DLGAP1: variants seen among roughly 807,000 people sequenced by gnomAD.
DLGAP1 encodes DLG associated protein 1.
Under a neutral mutation model 90.8 loss-of-function variants are expected in DLGAP1, and 11 were observed. The ratio of observed to expected loss-of-function variants is 0.12; its 90% CI spans 0.08 to 0.20. The LOEUF (loss-of-function observed/expected upper bound fraction) is 0.20, where lower values mean the gene tolerates loss of function less well. Ranked by LOEUF, DLGAP1 falls within the 10% of genes least tolerant of loss-of-function variation. The pLI, the probability that DLGAP1 is intolerant of heterozygous loss-of-function variation, is 1.00. For synonymous variants in DLGAP1, 558 were observed against 540.7 expected (o/e 1.03, Z -0.44); for missense variants, 1,050 against 1,333.8 (o/e 0.79, Z 3.31).
chr18:4,187,519 T>C (rs2077318867), intron 1 of DLGAP1, among the ~76,000 whole-genome samples: 1 of 152,178 alleles, frequency 6.6e-6, no homozygotes, highest in African/African-American at 2.4e-5. Flanking sequence ...CCTTTTCAAT[T>C]CTTAGTACAT....
rs756173382 is a variant in DLGAP1 at position 3,880,006 on chromosome 18, G to A, written c.63C>T (p.Asp21=). The A allele has an allele frequency of 6.2e-7, 1 of 1,610,004 alleles. No individual in the cohort carries two copies. Among genetic ancestry groups the A allele is most frequent in the East Asian group, 2.2e-5 (1 of 44,870 alleles). ...HHGVTCDSAC[D]SLSHHSDRKP... ...TGCGGTCGGAGTGGTGCGACAGCGA[G>A]TCACAGGCCGAGTCGCAGGTGACCC... Residue 21 remains aspartate, a synonymous_variant, in exon 4 of 13, where the codon GAC becomes GAT. Coordinates refer to ENST00000315677, the MANE Select transcript of DLGAP1 (RefSeq NM_004746.4).
At chr18:4,002,547 A>C (rs2074215190) in intron 3 of DLGAP1, among the ~76,000 whole-genome samples, 1 of 152,150 alleles carries the variant, frequency 6.6e-6, no homozygotes, top group African/African-American at 2.4e-5. Flanking sequence ...TTTCTTAATA[A>C]CACTTTTTTT....
intron 1 of DLGAP1, among the ~76,000 whole-genome samples, chr18:4,443,402 A>G (rs1262839204): frequency 6.6e-6 from 1 of 152,224 alleles, no homozygotes; most frequent in Non-Finnish European, 1.5e-5. Flanking sequence ...CCATTGGCAG[A>G]GCCAGGGAGT....
At chr18:3,625,649 A>T (rs1474363569) in intron 7 of DLGAP1, among the ~76,000 whole-genome samples, 1 of 152,184 alleles carries the variant, frequency 6.6e-6, no homozygotes, top group Non-Finnish European at 1.5e-5. Flanking sequence ...GACCTTCATG[A>T]TTGCAATCTA....
At chr18:3,665,574 TA>T (rs1280896545) in intron 7 of DLGAP1, among the ~76,000 whole-genome samples, 1 of 152,238 alleles carries the variant, frequency 6.6e-6, no homozygotes, top group Non-Finnish European at 1.5e-5. Context: ...TTCATAAATT[TA>T]AAAAATATTT....
intron 7 of DLGAP1, among the ~76,000 whole-genome samples, chr18:3,595,239 C>T (rs1322123508): frequency 1.3e-5 from 2 of 152,166 alleles, no homozygotes; most frequent in Non-Finnish European, 2.9e-5. Flanking sequence ...GAAAGGGGTT[C>T]AGATCAAAGT....
At chr18:4,291,022 G>A (rs1278037528) in intron 1 of DLGAP1, among the ~76,000 whole-genome samples, 1 of 152,084 alleles carries the variant, frequency 6.6e-6, no homozygotes, top group East Asian at 1.9e-4. Flanking sequence ...GCATAGTAAG[G>A]GGAGGAATAG....
chr18:3,667,609 A>G (rs561990278), intron 7 of DLGAP1, among the ~76,000 whole-genome samples: 2 of 152,278 alleles, frequency 1.3e-5, no homozygotes, highest in East Asian at 3.9e-4. Flanking sequence ...CCAAAACACA[A>G]AGAAATGCTC....
intron 2 of DLGAP1, among the ~76,000 whole-genome samples, chr18:4,146,507 C>A (rs116507590): frequency 6.6e-6 from 1 of 152,104 alleles, no homozygotes; most frequent in East Asian, 1.9e-4. Context: ...AGATAAGGCA[C>A]TAGAATGGAT....
chr18:3,728,300 TTA>T (rs200480157), intron 7 of DLGAP1, among the ~76,000 whole-genome samples: 11,140 of 123,392 alleles, frequency 0.09, 446 homozygotes, highest in South Asian at 0.14. Flanking sequence ...AACGCAAATG[TTA>T]TATATATATA....
intron 5 of DLGAP1, among the ~76,000 whole-genome samples, chr18:3,751,024 A>G (rs2063474541): frequency 6.6e-6 from 1 of 152,106 alleles, no homozygotes; most frequent in Non-Finnish European, 1.5e-5. Context: ...AATTATTAAT[A>G]TTTGGTTATA....
At chr18:4,281,904 T>C (rs528767889) in intron 1 of DLGAP1, among the ~76,000 whole-genome samples, 1 of 152,244 alleles carries the variant, frequency 6.6e-6, no homozygotes, top group African/African-American at 2.4e-5. Context: ...AGAGACTTTC[T>C]GTGTGAAACA....
chr18:3,522,329 G>T (rs376101865), intron 10 of DLGAP1, among the ~76,000 whole-genome samples: 3 of 151,706 alleles, frequency 2.0e-5, no homozygotes, highest in East Asian at 1.9e-4. Flanking sequence ...TAGAGACGGG[G>T]TTTCACCATC....
chr18:4,056,690 T>C (rs1184033102), intron 2 of DLGAP1, among the ~76,000 whole-genome samples: 1 of 152,094 alleles, frequency 6.6e-6, no homozygotes, highest in East Asian at 1.9e-4. Context: ...GTCTGGAGAA[T>C]TCCAAAGAGG....
At chr18:3,897,995 C>G (rs557560008) in intron 3 of DLGAP1, among the ~76,000 whole-genome samples, 1 of 151,908 alleles carries the variant, frequency 6.6e-6, no homozygotes, top group Non-Finnish European at 1.5e-5. Context: ...GGGGTTTCAC[C>G]TTGTTAGCCA....
intron 1 of DLGAP1, among the ~76,000 whole-genome samples, chr18:4,181,345 C>A (rs1052721675): frequency 6.6e-6 from 1 of 152,124 alleles, no homozygotes; most frequent in Non-Finnish European, 1.5e-5. Flanking sequence ...TGAAATGTCA[C>A]CAGAGATACA....
chr18:3,613,034 G>T (rs918741511), intron 7 of DLGAP1, among the ~76,000 whole-genome samples: 1 of 151,906 alleles, frequency 6.6e-6, no homozygotes, highest in Non-Finnish European at 1.5e-5. Context: ...GTAGAGATGG[G>T]GTTTCACCAT....
intron 3 of DLGAP1, among the ~76,000 whole-genome samples, chr18:3,971,092 G>C: frequency 6.6e-6 from 1 of 152,166 alleles, no homozygotes; most frequent in African/African-American, 2.4e-5. Flanking sequence ...CCAAAGAACA[G>C]CTCCCTCTGC....
Position 4,454,668 on chromosome 18 carries a change from G to A in DLGAP1, c.-267+338C>T, listed in dbSNP as rs1322204293. ...GTGGACATGACCGGGACAGGGGACC[G>A]GTGTTCTCCTCCCCTCCCCCTTCCG... On this transcript the variant is annotated intron_variant, in intron 1 of 12. Coordinates refer to ENST00000315677, the MANE Select transcript of DLGAP1 (RefSeq NM_004746.4). This position sits in a 1 kb window ranked among gnomAD's most constrained non-coding sequence, Gnocchi z 4.7. 6.6e-6 allele frequency among the ~76,000 whole-genome samples: 1 copy of A among 152,098 alleles called. No homozygotes were observed. Among genetic ancestry groups the A allele is most frequent in the East Asian group, 2.0e-4 (1 of 5,088 alleles).
Sources: gnomAD v4.1 joint callset for allele counts (sites outside exome capture counted in the v4.1 genomes callset) on GRCh38, gnomAD v4.1.1 for gene constraint, Gnocchi (gnomAD v3.1) non-coding constraint, MANE v1.5 for transcripts, NCBI Gene and HGNC (gene_info 2026-07-23, HGNC 2026-07-21) for gene names.